Variants in RBFOX1 observed in about 807,000 individuals in gnomAD.
RBFOX1 encodes the protein RNA binding fox-1 homolog 1, also known as RNA binding protein fox-1 homolog 1.
In RBFOX1, 8 loss-of-function variants were observed where a neutral mutation model predicts 57.7. The observed-to-expected ratio is 0.14, with a 90% CI of 0.08 to 0.25. The LOEUF (loss-of-function observed/expected upper bound fraction) is 0.25, where lower values mean the gene tolerates loss of function less well. RBFOX1 is among the 10% of genes least tolerant of loss of function. The probability of loss-of-function intolerance (pLI) is 1.00; values close to 1 mark genes in which losing one functional copy is unlikely to be tolerated. For synonymous variants in RBFOX1, 326 were observed against 222.4 expected (o/e 1.47, Z -4.15); for missense variants, 611 against 548.5 (o/e 1.11, Z -1.14).
At chr16:7,187,796 A>G (rs1390984400) in intron 4 of RBFOX1, among the ~76,000 whole-genome samples, 4 of 150,946 alleles carry the variant, frequency 2.6e-5, no homozygotes, top group African/African-American at 9.7e-5. Flanking sequence ...ATTCATCAGC[A>G]TTTTTCTTAA....
At chr16:5,958,225 G>C (rs956607866) in intron 4 of RBFOX1, among the ~76,000 whole-genome samples, 1 of 152,212 alleles carries the variant, frequency 6.6e-6, no homozygotes, top group Non-Finnish European at 1.5e-5. Flanking sequence ...TACTAAAACA[G>C]AGCTTTCTTG....
At chr16:7,215,870 G>A (rs986247811) in intron 4 of RBFOX1, among the ~76,000 whole-genome samples, 9 of 151,928 alleles carry the variant, frequency 5.9e-5, no homozygotes, top group African/African-American at 1.7e-4. Context: ...GACTACAGGC[G>A]TCTGCCACGG....
At chr16:6,684,159 T>G (rs2154125373) in intron 3 of RBFOX1, among the ~76,000 whole-genome samples, 1 of 152,296 alleles carries the variant, frequency 6.6e-6, no homozygotes, top group Admixed American at 6.5e-5. Flanking sequence ...ATGGTTCGAC[T>G]TTAGGATCTG....
intron 2 of RBFOX1, among the ~76,000 whole-genome samples, chr16:6,352,134 A>G (rs2086519330): frequency 2.0e-5 from 3 of 152,172 alleles, no homozygotes; most frequent in Admixed American, 2.0e-4. Flanking sequence ...CACTTTATAT[A>G]ATAAAAAGCA....
intron 3 of RBFOX1, among the ~76,000 whole-genome samples, chr16:6,850,975 G>A (rs55969345): frequency 1.8e-4 from 27 of 152,268 alleles, no homozygotes; most frequent in African/African-American, 4.8e-4. Context: ...TAAATAGCCC[G>A]TATGTTTTCA....
chr16:6,192,437 A>G (rs557155395), intron 1 of RBFOX1, among the ~76,000 whole-genome samples: 1 of 149,870 alleles, frequency 6.7e-6, no homozygotes, highest in Non-Finnish European at 1.5e-5. Flanking sequence ...GAGCCCCTCT[A>G]CCTCCCTCAT....
At chr16:5,377,588 G>C (rs1329069857) in intron 1 of RBFOX1, among the ~76,000 whole-genome samples, 8 of 148,126 alleles carry the variant, frequency 5.4e-5, no homozygotes, top group Admixed American at 2.0e-4. Context: ...GAGATGGGGG[G>C]AGAGAGAGAG....
chr16:6,164,979 A>G (rs912391990), intron 1 of RBFOX1, among the ~76,000 whole-genome samples: 1 of 152,168 alleles, frequency 6.6e-6, no homozygotes, highest in African/African-American at 2.4e-5. Context: ...ATGAAATGGC[A>G]TATTATTGTT....
intron 5 of RBFOX1, among the ~76,000 whole-genome samples, chr16:7,566,014 A>G (rs143663582): frequency 3.9e-5 from 6 of 152,290 alleles, no homozygotes; most frequent in Admixed American, 2.6e-4. Flanking sequence ...CCGAGCGCCT[A>G]CTATGTGTCA....
At chr16:7,166,480 G>A (rs1405694738) in intron 4 of RBFOX1, among the ~76,000 whole-genome samples, 1 of 152,024 alleles carries the variant, frequency 6.6e-6, no homozygotes, top group African/African-American at 2.4e-5. Flanking sequence ...AGAAGAACAG[G>A]GTGGGTAGGA....
At chr16:6,355,878 G>A (rs1021529067) in intron 2 of RBFOX1, among the ~76,000 whole-genome samples, 2 of 152,164 alleles carry the variant, frequency 1.3e-5, no homozygotes, top group South Asian at 4.1e-4. Context: ...ATGATCAGGA[G>A]CAACTTCTAT....
chr16:7,368,825 A>G (rs370791106), intron 4 of RBFOX1, among the ~76,000 whole-genome samples: 52 of 152,168 alleles, frequency 3.4e-4, no homozygotes, highest in African/African-American at 1.1e-3. Context: ...ATGTCCTTCT[A>G]CAGTTTAGGG....
At chr16:6,396,757 A>G (rs777288006) in intron 2 of RBFOX1, among the ~76,000 whole-genome samples, 2 of 152,194 alleles carry the variant, frequency 1.3e-5, no homozygotes, top group Admixed American at 1.3e-4. Flanking sequence ...ACAGAGAAAC[A>G]TTACTCATAG....
chr16:7,166,934 A>G (rs2079630410), intron 4 of RBFOX1, among the ~76,000 whole-genome samples: 1 of 139,016 alleles, frequency 7.2e-6, no homozygotes, highest in Non-Finnish European at 1.5e-5. Flanking sequence ...TTTACTGATG[A>G]CATCAGAGAG....
At chr16:5,763,479 G>T (rs891016644) in intron 3 of RBFOX1, among the ~76,000 whole-genome samples, 3 of 152,190 alleles carry the variant, frequency 2.0e-5, no homozygotes, top group African/African-American at 4.8e-5. Flanking sequence ...AAAGCCCCTG[G>T]CCCAGGAGGC....
intron 2 of RBFOX1, among the ~76,000 whole-genome samples, chr16:6,336,310 C>T (rs1383409937): frequency 2.0e-5 from 3 of 148,200 alleles, no homozygotes; most frequent in Non-Finnish European, 3.0e-5. Flanking sequence ...GCCATTCTGC[C>T]TCAGCCTCCC....
intron 3 of RBFOX1, among the ~76,000 whole-genome samples, chr16:5,668,288 A>G (rs1276725529): frequency 1.3e-5 from 2 of 152,186 alleles, no homozygotes; most frequent in East Asian, 1.9e-4. Flanking sequence ...CTCAAAAACA[A>G]CAAAAACACC....
rs75062961 is a variant in RBFOX1, at chr16:6,342,930, G to C, written c.-64+25873G>C. ...GATGAAATCAGGTGCTTTGAATACA[G>C]ATCATCTCCAAACTTCTGTCGCTTT... On this transcript the variant is annotated intron_variant, in intron 2 of 15. Transcript: ENST00000550418. Among the ~76,000 whole-genome samples, 120 of 152,226 alleles carry C rather than the reference G, an allele frequency of 7.9e-4. 1 individual carries two copies. In the East Asian group the frequency reaches 0.02, roughly 26 times the overall value.
At chr16:7,131,790 T>C in intron 4 of RBFOX1, among the ~76,000 whole-genome samples, 1 of 152,002 alleles carries the variant, frequency 6.6e-6, no homozygotes, top group Non-Finnish European at 1.5e-5. Context: ...GGCCTGTGAA[T>C]AGTCCTGTGA....
Sources: allele counts gnomAD v4.1 joint callset (sites outside exome capture counted in the v4.1 genomes callset), GRCh38; gene constraint gnomAD v4.1.1; transcripts MANE v1.5; gene names NCBI Gene and HGNC (gene_info 2026-07-23, HGNC 2026-07-21).